TDRD12: variants seen among roughly 807,000 people sequenced by gnomAD.
TDRD12 encodes the protein putative ATP-dependent RNA helicase TDRD12.
Under a neutral mutation model 133.5 loss-of-function variants are expected in TDRD12, and 158 were observed. That is an observed-to-expected ratio of 1.18 (90% CI 1.04 to 1.35). The LOEUF is 1.35. Among genes scored for constraint, TDRD12 ranks in the 40% most tolerant of loss-of-function variants. The pLI is 0.00. For synonymous variants in TDRD12, 460 were observed against 477.9 expected (o/e 0.96, Z 0.49); for missense variants, 1,443 against 1,321.3 (o/e 1.09, Z -1.43).
At chr19:32,776,404 C>A (rs1209026785) in intron 10 of TDRD12, among the ~76,000 whole-genome samples, 1 of 152,182 alleles carries the variant, frequency 6.6e-6, no homozygotes, top group African/African-American at 2.4e-5. Flanking sequence ...GCCCCAAGAT[C>A]AGAGCTGGCC....
At chr19:32,807,267 T>TAAAAAAAAAAAAAA (rs59421213) in intron 21 of TDRD12, among the ~76,000 whole-genome samples, 26 of 47,202 alleles carry the variant, frequency 5.5e-4, no homozygotes, top group East Asian at 3.5e-3. Context: ...ACCAAACTCT[T>TAAAAAAAAAAAAAA]AAAAAAAAAA....
At chr19:32,753,528 C>A (rs1259196487) in intron 6 of TDRD12, among the ~76,000 whole-genome samples, 1 of 151,390 alleles carries the variant, frequency 6.6e-6, no homozygotes, top group Non-Finnish European at 1.5e-5. Context: ...TTTCCTGAAA[C>A]GGAGTCTTGC....
At chr19:32,728,577 C>CT (rs1317237042) in intron 1 of TDRD12, among the ~76,000 whole-genome samples, 1 of 151,036 alleles carries the variant, frequency 6.6e-6, no homozygotes, top group African/African-American at 2.4e-5. Flanking sequence ...TTTTTCCTGT[C>CT]TTACTGTACT....
chr19:32,748,551 C>T lies in TDRD12; in HGVS notation c.496+20C>T, dbSNP rs1190144997. 3 of 1,546,734 alleles carry T rather than the reference C, an allele frequency of 1.9e-6. No individual in the cohort carries two copies. The highest frequency in any genetic ancestry group is 2.6e-6 in the Non-Finnish European group (3 of 1,144,470). ...TGAAAGGTAAGCCAGTGCCTGATCA[C>T]TGCAGCCTGCCTGGAAGTGACACCC... is the stretch of plus-strand genomic sequence containing the variant. On this transcript the variant is annotated intron_variant, in intron 5 of 27. Coordinates refer to ENST00000444215, the Ensembl canonical transcript of TDRD12.
intron 26 of TDRD12, 25 bp downstream of exon 26, chr19:32,815,645 T>C (rs1272958926): frequency 6.6e-7 from 1 of 1,518,140 alleles, no homozygotes; most frequent in Non-Finnish European, 8.8e-7. Context: ...GTCTCCTTTT[T>C]GGAAGAGTTG....
chr19:32,798,359 A>G, exon 16 of TDRD12: 1 of 1,535,868 alleles, frequency 6.5e-7, no homozygotes, highest in Non-Finnish European at 8.7e-7. Context: ...CTCGCCTGTC[A>G]GAGCCTGCTG....
Position 32,773,175 on chromosome 19 carries a change from C to T in TDRD12, c.964-281C>T, listed in dbSNP as rs76187304. ...TGAAGTGCAAGTCTAATCTGCTCTC[C>T]GTCCCTTTGACAAGACAGGTTGAAA... On this transcript the variant is annotated intron_variant, in intron 9 of 27. Transcript: ENST00000444215. Among the ~76,000 whole-genome samples, 454 of 152,314 alleles carry T rather than the reference C, an allele frequency of 3.0e-3. 5 individuals carry two copies. The highest frequency in any genetic ancestry group is 0.01 in the African/African-American group (432 of 41,562).
chr19:32,761,014 T>C (rs971723035), intron 8 of TDRD12, among the ~76,000 whole-genome samples: 6 of 152,234 alleles, frequency 3.9e-5, no homozygotes, highest in African/African-American at 1.4e-4. Flanking sequence ...AACACTGATA[T>C]ATTGTGATCA....
intron 3 of TDRD12, among the ~76,000 whole-genome samples, chr19:32,739,647 T>C (rs1969340415): frequency 6.9e-6 from 1 of 144,348 alleles, no homozygotes. Flanking sequence ...TCTCTGCATC[T>C]CCTGGTGCTC....
exon 1 of TDRD12, chr19:32,720,000 GCAGCCAGCCT>G: frequency 6.6e-7 from 1 of 1,523,380 alleles, no homozygotes; most frequent in Non-Finnish European, 8.8e-7. Context: ...CGGGGCGGAC[GCAGCCAGCCT>G]CACCCGCGAC....
At chr19:32,803,469 G>T (rs189703713) in intron 21 of TDRD12, among the ~76,000 whole-genome samples, 1 of 152,320 alleles carries the variant, frequency 6.6e-6, no homozygotes, top group African/African-American at 2.4e-5. Flanking sequence ...TCAGTGTTCT[G>T]TTGTATGGCT....
chr19:32,825,420 G>A (rs191586022), downstream of TDRD12, among the ~76,000 whole-genome samples: 1 of 152,256 alleles, frequency 6.6e-6, no homozygotes, highest in African/African-American at 2.4e-5. The surrounding 1 kb of genome is among the most constrained non-coding windows in gnomAD (Gnocchi z 4.1). Flanking sequence ...GGCTCCTCGT[G>A]CGTGCTGGCC....
Position 32,767,177 on chromosome 19 carries a change from G to A in TDRD12, c.866-5576G>A, listed in dbSNP as rs145010385. ...GAGTTTTGCTCTTATTGCCCAGGCT[G>A]TAGTGCAGTGGCGCCATCTCAGCTC... On this transcript the variant is annotated intron_variant, in intron 8 of 27. Transcript: ENST00000444215. Among the ~76,000 whole-genome samples the A allele has an allele frequency of 2.8e-3, 418 of 151,204 alleles. 2 individuals carry two copies. The highest frequency in any genetic ancestry group is 9.9e-3 in the African/African-American group (406 of 41,116).
intron 19 of TDRD12, among the ~76,000 whole-genome samples, chr19:32,802,129 CATATATATGATATATATTATCATAT>C (rs1340964575): frequency 4.2e-5 from 6 of 142,824 alleles, no homozygotes; most frequent in Non-Finnish European, 7.5e-5. Context: ...GGATCACTAT[CATATATATGATATATATTATCATAT>C]ATATATATGA....
intron 13 of TDRD12, among the ~76,000 whole-genome samples, chr19:32,792,695 C>T (rs996738393): frequency 6.6e-6 from 1 of 152,114 alleles, no homozygotes; most frequent in African/African-American, 2.4e-5. Context: ...ACCTAATGGA[C>T]AAGAATTTCC....
chr19:32,777,503 A>G (rs887786591), intron 11 of TDRD12, among the ~76,000 whole-genome samples: 1 of 152,040 alleles, frequency 6.6e-6, no homozygotes, highest in Non-Finnish European at 1.5e-5. Flanking sequence ...TCACAAATCA[A>G]ATTAGATACA....
intron 3 of TDRD12, among the ~76,000 whole-genome samples, chr19:32,742,198 C>T (rs962676221): frequency 2.0e-5 from 3 of 150,588 alleles, no homozygotes; most frequent in Admixed American, 2.0e-4. Context: ...CTCTTGTTGC[C>T]CAAGCTGGAG....
In TDRD12 at chr19:32,826,672, C is replaced by T; in HGVS notation, c.1049+74C>T. 1 of 1,220,008 alleles carries T rather than the reference C, an allele frequency of 8.2e-7. No homozygotes were observed. The highest frequency in any genetic ancestry group is 1.0e-6 in the Non-Finnish European group (1 of 981,600). 75.6% of individuals were successfully genotyped at this position (1,220,008 alleles called of 1,614,324 possible). On this transcript the variant is annotated intron_variant, in intron 9 of 9. Coordinates refer to the TDRD12 transcript ENST00000637289. Reference sequence around the variant, plus strand: ...ATTCACGCGCTCACTGTCAGCTGTTCTCTTGAACAGAACCCCAACGTGGCT... The same window carrying T: ...ATTCACGCGCTCACTGTCAGCTGTTTTCTTGAACAGAACCCCAACGTGGCT...
At chr19:32,787,835 TAC>T (rs1286177704) in intron 11 of TDRD12, among the ~76,000 whole-genome samples, 1 of 152,180 alleles carries the variant, frequency 6.6e-6, no homozygotes, top group Admixed American at 6.6e-5. Context: ...CTCCTCCAGG[TAC>T]AGTCAGTCAT....
Sources: gnomAD v4.1 joint callset for allele counts (sites outside exome capture counted in the v4.1 genomes callset) on GRCh38, gnomAD v4.1.1 for gene constraint, Gnocchi (gnomAD v3.1) non-coding constraint, MANE v1.5 for transcripts, NCBI Gene and HGNC (gene_info 2026-07-23, HGNC 2026-07-21) for gene names.